Variants in LARS1 observed in about 807,000 individuals in gnomAD.
LARS1 encodes the protein leucine--tRNA ligase, cytoplasmic.
Under a neutral mutation model 162.8 loss-of-function variants are expected in LARS1, and 100 were observed. The ratio of observed to expected loss-of-function variants is 0.61; its 90% confidence interval spans 0.52 to 0.73. The LOEUF (loss-of-function observed/expected upper bound fraction) is 0.73, where lower values mean the gene tolerates loss of function less well. LARS1 is among the 30% of genes least tolerant of loss of function. The pLI is 0.00. For missense variants in LARS1, 1,258 were observed against 1,408.9 expected, an observed-to-expected ratio of 0.89 and a Z score of 1.71; for synonymous variants, 457 against 462.8, an observed-to-expected ratio of 0.99 and a Z score of 0.16.
chr5:146,133,692 CAAAAAA>C lies in LARS1; in HGVS notation c.2213-617_2213-612del, dbSNP rs55993097. Among the ~76,000 whole-genome samples, 39 of 112,298 alleles carry C rather than the reference CAAAAAA, an allele frequency of 3.5e-4. 1 individual carries two copies. The highest frequency in any genetic ancestry group is 1.2e-3 in the African/African-American group (35 of 28,750). 73.7% of individuals were successfully genotyped at this position (112,298 alleles called of 152,430 possible). ...CCTACAATGGAACACTATAGGGTTG[CAAAAAA>C]AAAAAAAAAAAAAAGAGGGAACTCA... On this transcript the variant is annotated intron_variant, in intron 22 of 31. Transcript: ENST00000394434.
At chr5:146,147,344 G>A (rs954184212) in intron 15 of LARS1, among the ~76,000 whole-genome samples, 2 of 150,920 alleles carry the variant, frequency 1.3e-5, no homozygotes, top group African/African-American at 4.9e-5. Flanking sequence ...GAAGTGGGAC[G>A]ATCACTTGAG....
intron 5 of LARS1, among the ~76,000 whole-genome samples, chr5:146,165,444 T>C (rs936792699): frequency 2.0e-5 from 3 of 151,288 alleles, no homozygotes; most frequent in Admixed American, 6.6e-5. Context: ...AACATGAGAA[T>C]TGCTTGAACC....
At chr5:146,152,882 T>C (rs1265192864) in intron 13 of LARS1, among the ~76,000 whole-genome samples, 3 of 152,214 alleles carry the variant, frequency 2.0e-5, no homozygotes, top group Non-Finnish European at 4.4e-5. Flanking sequence ...AAATTTTATC[T>C]TTAGAAGCCA....
At chr5:146,121,403 T>G (rs1751812682) in intron 30 of LARS1, among the ~76,000 whole-genome samples, 1 of 152,044 alleles carries the variant, frequency 6.6e-6, no homozygotes, top group African/African-American at 2.4e-5. Context: ...TCTTTGAGAC[T>G]AAAAAAACAG....
At chr5:146,126,331 C>T in intron 28 of LARS1, 104 bp downstream of exon 28, 2 of 628,532 alleles carry the variant, frequency 3.2e-6, no homozygotes, top group Non-Finnish European at 5.5e-6. Flanking sequence ...GCTATTTTAG[C>T]AGATTTCTGG....
intron 2 of LARS1, among the ~76,000 whole-genome samples, chr5:146,176,873 G>A (rs1274440541): frequency 6.6e-6 from 1 of 151,992 alleles, no homozygotes; most frequent in African/African-American, 2.4e-5. Context: ...TTCTGTCTTT[G>A]GAGATAATAA....
chr5:146,153,252 A>C, intron 12 of LARS1, 25 bp from the exon 13 acceptor site: 2 of 1,517,956 alleles, frequency 1.3e-6, no homozygotes, highest in Middle Eastern at 1.7e-4. Flanking sequence ...GCAAGTTAAC[A>C]CTAATGATCA....
intron 27 of LARS1, among the ~76,000 whole-genome samples, chr5:146,128,235 A>G (rs1186956700): frequency 1.3e-5 from 2 of 152,178 alleles, no homozygotes; most frequent in Non-Finnish European, 2.9e-5. Context: ...AAAGTACTCA[A>G]GAACAAAGCT....
intron 15 of LARS1, among the ~76,000 whole-genome samples, chr5:146,148,033 AG>A (rs769930304): frequency 2.0e-5 from 3 of 152,242 alleles, no homozygotes; most frequent in Non-Finnish European, 2.9e-5. Flanking sequence ...CAGGTTTTTA[AG>A]GGAAAATTAT....
At chr5:146,169,147 A>T (rs1290812228) in intron 4 of LARS1, among the ~76,000 whole-genome samples, 1 of 152,126 alleles carries the variant, frequency 6.6e-6, no homozygotes, top group African/African-American at 2.4e-5. Context: ...TGTCACATAT[A>T]CTCTATTAGT....
At chr5:146,127,411 T>C (rs1044363079) in intron 27 of LARS1, among the ~76,000 whole-genome samples, 1 of 152,094 alleles carries the variant, frequency 6.6e-6, no homozygotes, top group Non-Finnish European at 1.5e-5. Flanking sequence ...TAAATGAACA[T>C]TCTTTTCATT....
At chr5:146,115,117 C>T (rs1295287498) in intron 31 of LARS1, among the ~76,000 whole-genome samples, 3 of 150,656 alleles carry the variant, frequency 2.0e-5, no homozygotes, top group East Asian at 3.9e-4. Flanking sequence ...CCCCTTTCAG[C>T]TTTTACCCAG....
At position 146,153,966 on chromosome 5, in the gene LARS1, T is replaced by A. The variant is rs1753411270; in HGVS notation, c.1080A>T (p.Ala360=). Residue 360 remains alanine, a synonymous_variant, in exon 11 of 32, where the codon GCA becomes GCT. Coordinates refer to ENST00000394434, the MANE Select transcript of LARS1 (RefSeq NM_020117.11). ...KELMGEEILG[A]SLSAPLTSYK... is the part of the protein sequence containing the mutation. ...ATGATGTTAAAGGTGCAGAAAGTGA[T>A]GCACCAAGAATTTCCTGCATAAGAA... The A allele has an allele frequency of 1.9e-6, 3 of 1,606,630 alleles. No individual in the cohort carries two copies. The Admixed American group carries it at 5.1e-5, about 27-fold the overall frequency.
rs373492669 is a variant in LARS1, at chr5:146,122,568, T to C, written c.3116A>G (p.Lys1039Arg). 5.0e-5 allele frequency: 80 copies of C among 1,608,308 alleles called. No homozygotes were observed. The highest frequency in any genetic ancestry group is 6.4e-5 in the Non-Finnish European group (75 of 1,175,726). Reference sequence around the variant, plus strand: ...TTTATCTTCTGCTTCGGAGGCAAACTTGACTTCTATGTGTTCTAGCTAAAC... The same window carrying C: ...TTTATCTTCTGCTTCGGAGGCAAACCTGACTTCTATGTGTTCTAGCTAAAC... ...NSLELEHIEV[K>R]FASEAEDKIR... The change falls in exon 30 of 32, where the codon AAG becomes AGG. Residue 1039 changes from lysine to arginine, a missense_variant. Transcript: ENST00000394434.
At chr5:146,178,802 A>G (rs1324659114) in intron 1 of LARS1, among the ~76,000 whole-genome samples, 4 of 151,980 alleles carry the variant, frequency 2.6e-5, no homozygotes, top group African/African-American at 9.7e-5. Flanking sequence ...CCTCTTCTTA[A>G]TAAGTAACTT....
At chr5:146,150,076 T>G (rs1407379579) in intron 14 of LARS1, among the ~76,000 whole-genome samples, 2 of 152,146 alleles carry the variant, frequency 1.3e-5, no homozygotes, top group African/African-American at 4.8e-5. Flanking sequence ...CTAATTAGGC[T>G]CCTCTTTCTA....
At chr5:146,135,296 C>T (rs552897818) in intron 22 of LARS1, among the ~76,000 whole-genome samples, 3 of 151,780 alleles carry the variant, frequency 2.0e-5, no homozygotes, top group Admixed American at 6.6e-5. Flanking sequence ...GGATTACAGG[C>T]GTGAGCCACC....
At chr5:146,160,600 T>G (rs1395793216) in intron 6 of LARS1, 114 bp from the exon 7 acceptor site, 3 of 498,522 alleles carry the variant, frequency 6.0e-6, no homozygotes, top group Non-Finnish European at 1.1e-5. Flanking sequence ...GATCAACTAT[T>G]AAAAATAATT....
At chr5:146,127,524 C>T (rs913201877) in intron 27 of LARS1, among the ~76,000 whole-genome samples, 1 of 151,980 alleles carries the variant, frequency 6.6e-6, no homozygotes, top group African/African-American at 2.4e-5. Flanking sequence ...AAAAAAACAA[C>T]TTCAAAAAGA....
Sources: allele counts gnomAD v4.1 joint callset (sites outside exome capture counted in the v4.1 genomes callset), GRCh38; gene constraint gnomAD v4.1.1; transcripts MANE v1.5; gene names NCBI Gene and HGNC (gene_info 2026-07-23, HGNC 2026-07-21).